The following NLRP3 variants were observed in gnomAD, a reference collection of about 807,000 sequenced individuals.
NLRP3 encodes NLR family pyrin domain containing 3.
In NLRP3, 48 loss-of-function variants were observed where a neutral mutation model predicts 91.3. The observed-to-expected ratio is 0.53, with a 90% CI of 0.42 to 0.67. The LOEUF (loss-of-function observed/expected upper bound fraction) is 0.67, where lower values mean the gene tolerates loss of function less well. NLRP3 is among the 30% of genes least tolerant of loss of function. The pLI is 0.00. For synonymous variants in NLRP3, 561 were observed against 507.9 expected, an observed-to-expected ratio of 1.10 and a Z score of -1.41; for missense variants, 982 against 1,276.9, an observed-to-expected ratio of 0.77 and a Z score of 3.52.
intron 6 of NLRP3, among the ~76,000 whole-genome samples, 169 bp from the exon 7 acceptor site, chr1:247,435,801 T>C (rs779498013): frequency 6.6e-6 from 1 of 152,210 alleles, no homozygotes; most frequent in African/African-American, 2.4e-5. Context: ...GAATGCTTAC[T>C]TGTTATTCCA....
rs35723895 is a variant in NLRP3, at chr1:247,419,144, TTATA to T, written c.277+85_277+88del. The T allele has an allele frequency of 1.6e-3, 1,562 of 965,452 alleles. 8 individuals are homozygous for T. The highest frequency in any genetic ancestry group is 2.1e-3 in the Middle Eastern group (6 of 2,894). 59.8% of individuals were successfully genotyped at this position (965,452 alleles called of 1,614,324 possible). On this transcript the variant is annotated intron_variant, in intron 2 of 9. Transcript: ENST00000336119. ...GCACATAGTGTACAATTTTCCATCTTTATATATATATATATATATATTTTTTTTT... is the reference window on the plus strand; with the variant it reads ...GCACATAGTGTACAATTTTCCATCTTTATATATATATATATATTTTTTTTT...
At chr1:247,433,061 G>T (rs1423219042) in intron 5 of NLRP3, among the ~76,000 whole-genome samples, 1 of 151,820 alleles carries the variant, frequency 6.6e-6, no homozygotes, top group Non-Finnish European at 1.5e-5. Flanking sequence ...AAATAAAATG[G>T]CTAAGCATGG....
chr1:247,431,498 CA>C (rs1663324412), intron 5 of NLRP3, among the ~76,000 whole-genome samples: 1 of 152,168 alleles, frequency 6.6e-6, no homozygotes, highest in Non-Finnish European at 1.5e-5. Context: ...AGCCCAGGTC[CA>C]GCAACTGTCA....
intron 9 of NLRP3, among the ~76,000 whole-genome samples, chr1:247,448,090 T>C (rs1316552395): frequency 6.6e-6 from 1 of 151,878 alleles, no homozygotes; most frequent in East Asian, 1.9e-4. Flanking sequence ...TCACAGTTTC[T>C]TCAGCCACTC....
chr1:247,428,478 T>C (rs545524616), intron 4 of NLRP3, among the ~76,000 whole-genome samples: 13 of 152,346 alleles, frequency 8.5e-5, no homozygotes, highest in African/African-American at 3.1e-4. Context: ...CAAAGGTGAC[T>C]GCATGTGTGG....
chr1:247,436,475 C>T (rs998350780), intron 7 of NLRP3, among the ~76,000 whole-genome samples: 2 of 152,142 alleles, frequency 1.3e-5, no homozygotes, highest in Non-Finnish European at 2.9e-5. Flanking sequence ...TGCAAGCATG[C>T]AAGTTATCGC....
At chr1:247,434,380 C>T (rs774359295) in intron 6 of NLRP3, 107 bp downstream of exon 6, 94 of 1,194,694 alleles carry the variant, frequency 7.9e-5, no homozygotes, top group Non-Finnish European at 9.9e-5. Context: ...ATGGCCTTGG[C>T]GGCTCGGGTG....
intron 4 of NLRP3, 103 bp from the exon 5 acceptor site, chr1:247,429,482 A>G (rs1663150705): frequency 7.8e-7 from 1 of 1,283,734 alleles, no homozygotes; most frequent in Admixed American, 1.7e-5. Context: ...TAATCCCCGG[A>G]AGGCATTTCT....
chr1:247,418,625 G>A lies in NLRP3; in HGVS notation c.-176G>A. The A allele has an allele frequency of 1.2e-6, 1 of 827,510 alleles. No individual in the cohort carries two copies. The highest frequency in any genetic ancestry group is 1.9e-6 in the Non-Finnish European group (1 of 523,206). 51.3% of individuals were successfully genotyped at this position (827,510 alleles called of 1,614,324 possible). A position where few individuals can be genotyped will look rare whatever the true frequency, so the allele number is the denominator to read the frequency against. ...CCTTGGCTAACTTTTCAAAATTAAA[G>A]ATTTTGACTTGTTACAGTCATGTGA... On this transcript the variant is annotated 5_prime_UTR_variant, in exon 2 of 10. Coordinates refer to ENST00000336119, the MANE Select transcript of NLRP3 (RefSeq NM_001243133.2).
chr1:247,439,786 A>C (rs1272868309), intron 7 of NLRP3, among the ~76,000 whole-genome samples: 7 of 152,148 alleles, frequency 4.6e-5, no homozygotes, highest in African/African-American at 1.7e-4. Flanking sequence ...ATTTGTGTAG[A>C]TCTATCGATT....
intron 9 of NLRP3, among the ~76,000 whole-genome samples, chr1:247,448,146 C>G (rs971938121): frequency 6.6e-6 from 1 of 151,718 alleles, no homozygotes; most frequent in African/African-American, 2.4e-5. Context: ...ACGAAGGACA[C>G]GACGAGCACC....
At position 247,448,804 on chromosome 1, in the gene NLRP3, A is replaced by G; in HGVS notation, c.*300A>G. On this transcript the variant is annotated 3_prime_UTR_variant, in exon 10 of 10. Coordinates refer to ENST00000336119, the MANE Select transcript of NLRP3 (RefSeq NM_001243133.2). ...ATGTAATTAGCTCATTCAATAAAGC[A>G]CTTTCTTTATTTTTCTCTTCTCTGT... 2.5e-6 allele frequency: 1 copy of G among 400,724 alleles called. No homozygotes were observed. Among genetic ancestry groups the G allele is most frequent in the Non-Finnish European group, 4.6e-6 (1 of 216,276 alleles). The allele number at this position is 400,724 out of a possible 1,614,324, so 24.8% of individuals were successfully genotyped here.
chr1:247,448,618 C>T lies in NLRP3; in HGVS notation c.*114C>T, dbSNP rs1347172438. On this transcript the variant is annotated 3_prime_UTR_variant, in exon 10 of 10. Transcript: ENST00000336119. ...CAAGACCACAGCTCTGTGATCCTTCCGGTGGAGTGTCGGAGAAGAGAGCTT... is the reference window on the plus strand; with the variant it reads ...CAAGACCACAGCTCTGTGATCCTTCTGGTGGAGTGTCGGAGAAGAGAGCTT... 1.2e-5 allele frequency: 9 copies of T among 754,192 alleles called. No homozygotes were observed. Among genetic ancestry groups the T allele is most frequent in the South Asian group, 8.4e-5 (6 of 71,752 alleles). 46.7% of individuals were successfully genotyped at this position (754,192 alleles called of 1,614,324 possible).
intron 5 of NLRP3, among the ~76,000 whole-genome samples, chr1:247,430,856 T>C (rs1663264695): frequency 1.3e-5 from 2 of 151,362 alleles, no homozygotes; most frequent in African/African-American, 4.9e-5. Context: ...AGCCTCGACC[T>C]CCCAGGCTCA....
rs1204135596 is a variant in NLRP3, at chr1:247,425,398, A to G, written c.1949A>G (p.Lys650Arg). ...CAAAGGGCCATGGACTATTTCCCCA[A>G]GATTGAGATCAATCTCTCCACCAGA... ...FVQRAMDYFP[K>R]IEINLSTRMD... Residue 650 changes from lysine (K) to arginine (R), a missense_variant, in exon 4 of 10, where the codon AAG (lysine) becomes AGG (arginine). Transcript: ENST00000336119. The surrounding 1 kb of genome is among the most constrained non-coding windows in gnomAD (Gnocchi z 4.1). 1 of 1,614,244 alleles carries G rather than the reference A, an allele frequency of 6.2e-7. No homozygotes were observed. Among genetic ancestry groups the G allele is most frequent in the Non-Finnish European group, 8.5e-7 (1 of 1,180,050 alleles).
intron 9 of NLRP3, among the ~76,000 whole-genome samples, chr1:247,448,180 G>A (rs1388560052): frequency 6.6e-6 from 1 of 151,400 alleles, no homozygotes; most frequent in South Asian, 2.1e-4. Context: ...AGGCATTCTT[G>A]AAGAAGGTGC....
rs1240869585 is a variant in NLRP3, at chr1:247,418,625, G to T, written c.-176G>T. On this transcript the variant is annotated 5_prime_UTR_variant, in exon 2 of 10. Transcript: ENST00000336119. ...CCTTGGCTAACTTTTCAAAATTAAA[G>T]ATTTTGACTTGTTACAGTCATGTGA... The T allele has an allele frequency of 2.4e-6, 2 of 827,392 alleles. No homozygotes were observed. Among genetic ancestry groups the T allele is most frequent in the Non-Finnish European group, 3.8e-6 (2 of 523,214 alleles). The allele number at this position is 827,392 out of a possible 1,614,324, so 51.3% of individuals were successfully genotyped here.
chr1:247,423,448 C>G, intron 3 of NLRP3, 99 bp downstream of exon 3: 8 of 1,419,824 alleles, frequency 5.6e-6, no homozygotes, highest in Non-Finnish European at 7.9e-6. Context: ...ACTATAGGTT[C>G]CTGCTCTTTG....
intron 2 of NLRP3, among the ~76,000 whole-genome samples, chr1:247,422,529 C>T (rs1392889710): frequency 1.3e-5 from 2 of 152,070 alleles, no homozygotes; most frequent in African/African-American, 2.4e-5. Context: ...TATCTAGTGA[C>T]TGTTTGGATT....
Sources: gnomAD v4.1 joint callset for allele counts (sites outside exome capture counted in the v4.1 genomes callset) on GRCh38, gnomAD v4.1.1 for gene constraint, Gnocchi (gnomAD v3.1) non-coding constraint, MANE v1.5 for transcripts, NCBI Gene and HGNC (gene_info 2026-07-23, HGNC 2026-07-21) for gene names.